Variants in AMPH observed in about 807,000 individuals in gnomAD.
AMPH encodes amphiphysin, also known as amphiphysin (Stiff-Mann syndrome with breast cancer 128kD autoantigen).
AMPH carries 49 observed loss-of-function variants against 99.1 expected under a neutral mutation model. The observed-to-expected ratio is 0.49, with a 90% CI of 0.39 to 0.63. AMPH has a LOEUF of 0.63. AMPH is among the 20% of genes least tolerant of loss of function. AMPH has a pLI of 0.00. For missense variants in AMPH, 759 were observed against 863.4 expected (o/e 0.88, Z 1.52); for synonymous variants, 314 against 317.3 (o/e 0.99, Z 0.11).
At chr7:38,561,972 T>C (rs1791566698) in intron 1 of AMPH, among the ~76,000 whole-genome samples, 1 of 150,820 alleles carries the variant, frequency 6.6e-6, no homozygotes, top group South Asian at 2.1e-4. Flanking sequence ...TATATGTTTT[T>C]TTTTTTTTGT....
chr7:38,602,147 G>A (rs916658831), intron 1 of AMPH, among the ~76,000 whole-genome samples: 1 of 152,174 alleles, frequency 6.6e-6, no homozygotes, highest in African/African-American at 2.4e-5. Flanking sequence ...CAGCCCAACA[G>A]TGGGCAGCAC....
At chr7:38,535,138 A>C in intron 1 of AMPH, 127 bp from the exon 2 acceptor site, 2 of 749,884 alleles carry the variant, frequency 2.7e-6, no homozygotes, top group African/African-American at 1.8e-5. Flanking sequence ...CAGCACTTCT[A>C]ATTTTTCTGT....
chr7:38,436,378 G>C lies in AMPH; in HGVS notation c.1028C>G (p.Pro343Arg). The change falls in exon 12 of 21, where the codon CCT becomes CGT. Residue 343 changes from proline (P) to arginine (R), a missense_variant. Pro to Arg is a moderately radical substitution (Grantham distance 103, BLOSUM62 -2). Around this residue, in one of 2 missense-constraint regions of AMPH, gnomAD observed 554 missense variants for 575.6 expected, o/e 0.96. Transcript: ENST00000356264. The stretch of plus-strand genomic sequence containing the variant: ...CAAAGTCTCCTCTTTCTTCACCTCA[G>C]GGACTTCATTCTGTTAAAGCAAACA... Reference protein sequence around the residue: ...SVTTPSQNEVPEVKKEETLLD... With the variant: ...SVTTPSQNEVREVKKEETLLD... 1 of 1,613,774 alleles carries C rather than the reference G, an allele frequency of 6.2e-7. No individual in the cohort carries two copies. Among genetic ancestry groups the C allele is most frequent in the South Asian group, 1.1e-5 (1 of 91,066 alleles).
At chr7:38,478,071 C>T (rs1313782801) in intron 5 of AMPH, among the ~76,000 whole-genome samples, 1 of 150,420 alleles carries the variant, frequency 6.6e-6, no homozygotes, top group Non-Finnish European at 1.5e-5. Flanking sequence ...AACAAACAAA[C>T]AAACAAACAA....
At chr7:38,525,283 G>T (rs1215455872) in intron 2 of AMPH, among the ~76,000 whole-genome samples, 3,172 of 38,718 alleles carry the variant, frequency 0.082, 28 homozygotes, top group Middle Eastern at 0.15. Flanking sequence ...TATATAGAGA[G>T]AGAGAGAGAG....
chr7:38,460,883 T>A (rs992949318), intron 11 of AMPH, among the ~76,000 whole-genome samples: 3 of 152,178 alleles, frequency 2.0e-5, no homozygotes, highest in African/African-American at 7.2e-5. Flanking sequence ...TGCATAGAAA[T>A]GATAAATGCT....
In AMPH at chr7:38,447,778, A is replaced by ACACC. The variant is rs1554337931; in HGVS notation, c.1018-11391_1018-11390insGGTG. Among the ~76,000 whole-genome samples the ACACC allele has an allele frequency of 1.8e-4, 27 of 148,400 alleles. 1 individual carries two copies. In the South Asian group the frequency reaches 3.4e-3, roughly 19 times the overall value. ...CACACACACACACACACACACACAC[A>ACACC]CCCATACACAAAATTTCTTTAATCA... On this transcript the variant is annotated intron_variant, in intron 11 of 20. Coordinates refer to ENST00000356264, the MANE Select transcript of AMPH (RefSeq NM_001635.4).
At chr7:38,481,959 T>C (rs192964619) in intron 5 of AMPH, among the ~76,000 whole-genome samples, 5 of 152,288 alleles carry the variant, frequency 3.3e-5, no homozygotes, top group Admixed American at 2.0e-4. Flanking sequence ...ATGGAGTCTA[T>C]ATCTACTTCT....
At chr7:38,503,500 G>T (rs1031754199) in intron 3 of AMPH, 150 bp downstream of exon 3, 6 of 544,792 alleles carry the variant, frequency 1.1e-5, no homozygotes, top group East Asian at 6.4e-5. Context: ...TGGGGCGGGG[G>T]GGTGGGTGGT....
At chr7:38,572,661 T>C (rs1308229028) in intron 1 of AMPH, among the ~76,000 whole-genome samples, 2 of 152,144 alleles carry the variant, frequency 1.3e-5, no homozygotes, top group African/African-American at 4.8e-5. Context: ...CAGAAGCCAG[T>C]CCATGGGAAG....
intron 2 of AMPH, among the ~76,000 whole-genome samples, chr7:38,506,035 T>C (rs1386959981): frequency 6.6e-6 from 1 of 152,176 alleles, no homozygotes; most frequent in East Asian, 1.9e-4. Context: ...GCTGAAGCTA[T>C]AAAAGCCATC....
At position 38,461,427 on chromosome 7, in the gene AMPH, T is replaced by C; in HGVS notation, c.889-16A>G. On this transcript the variant is annotated splice_polypyrimidine_tract_variant and intron_variant, in intron 10 of 20. Coordinates refer to ENST00000356264, the MANE Select transcript of AMPH (RefSeq NM_001635.4). ...CTTTCCTTGTCTAGGAAGCATTAAA[T>C]ACAAACATTAATCCAGCCAAAGACA... 1 of 1,613,844 alleles carries C rather than the reference T, an allele frequency of 6.2e-7. No individual in the cohort carries two copies. The highest frequency in any genetic ancestry group is 8.5e-7 in the Non-Finnish European group (1 of 1,179,776).
intron 7 of AMPH, among the ~76,000 whole-genome samples, chr7:38,472,119 T>G (rs1475982988): frequency 6.6e-6 from 1 of 152,086 alleles, no homozygotes; most frequent in East Asian, 1.9e-4. Flanking sequence ...CACAGGCATA[T>G]ATAGAACATT....
In AMPH at chr7:38,412,641, T is replaced by C. The variant is rs576922606; in HGVS notation, c.1398+5184A>G. 4.6e-5 allele frequency among the ~76,000 whole-genome samples: 7 copies of C among 152,384 alleles called. No individual in the cohort carries two copies. The South Asian group carries it at 1.2e-3, about 27-fold the overall frequency. On this transcript the variant is annotated intron_variant, in intron 17 of 20. Coordinates refer to ENST00000356264, the MANE Select transcript of AMPH (RefSeq NM_001635.4). ...CTTTCACTTTATTCTTGGCTAATTT[T>C]ATCTCTTCCCTATGACTTCCTGCAA...
At chr7:38,462,890 C>G (rs1787503163) in intron 10 of AMPH, 85 bp downstream of exon 10, 2 of 1,416,682 alleles carry the variant, frequency 1.4e-6, no homozygotes, top group Admixed American at 2.4e-5. Flanking sequence ...TCTCTTAAAG[C>G]CCCGGCACCG....
chr7:38,548,178 A>G (rs1461336474), intron 1 of AMPH, among the ~76,000 whole-genome samples: 1 of 151,728 alleles, frequency 6.6e-6, no homozygotes, highest in East Asian at 1.9e-4. Flanking sequence ...ACAGGTGCCC[A>G]CCACCACACC....
chr7:38,517,521 G>T (rs554700593), intron 2 of AMPH, among the ~76,000 whole-genome samples: 5 of 152,152 alleles, frequency 3.3e-5, no homozygotes, highest in Non-Finnish European at 1.5e-5. Context: ...GAGGAATCAT[G>T]AGCCAATTAA....
intron 1 of AMPH, among the ~76,000 whole-genome samples, chr7:38,550,819 T>C (rs1791155163): frequency 6.6e-6 from 1 of 152,230 alleles, no homozygotes; most frequent in South Asian, 2.1e-4. Context: ...TGCATTTTAA[T>C]GAAGCCATCA....
chr7:38,417,184 C>T (rs1033157062), intron 17 of AMPH, among the ~76,000 whole-genome samples: 7 of 152,180 alleles, frequency 4.6e-5, no homozygotes, highest in Admixed American at 2.0e-4. Context: ...CATATCAGAG[C>T]TCAGCCCAGT....
Sources: allele counts gnomAD v4.1 joint callset (sites outside exome capture counted in the v4.1 genomes callset), GRCh38; gene constraint gnomAD v4.1.1; regional missense constraint gnomAD v4.1.1; transcripts MANE v1.5; gene names NCBI Gene and HGNC (gene_info 2026-07-23, HGNC 2026-07-21).